Variants in SH3KBP1 observed in about 807,000 individuals in gnomAD.
SH3KBP1 encodes SH3 domain containing kinase binding protein 1.
A neutral mutation model predicts 50.1 loss-of-function variants in SH3KBP1; 8 were observed. The observed-to-expected ratio is 0.16, with a 90% CI of 0.09 to 0.29. SH3KBP1 has a LOEUF of 0.29. SH3KBP1 is among the 10% of genes least tolerant of loss of function. The pLI, the probability that SH3KBP1 is intolerant of heterozygous loss-of-function variation, is 1.00. For synonymous variants in SH3KBP1, 227 were observed against 218.6 expected, an observed-to-expected ratio of 1.04 and a Z score of -0.34; for missense variants, 377 against 535.2, an observed-to-expected ratio of 0.70 and a Z score of 2.92.
chrX:19,831,183 G>A (rs766318526), intron 2 of SH3KBP1, among the ~76,000 whole-genome samples: 17 of 112,073 alleles, frequency 1.5e-4, no homozygotes, highest in Non-Finnish European at 2.6e-4. Flanking sequence ...CTGGGAGGCC[G>A]AGGCGGGAGG....
At position 19,540,551 on chromosome X, in the gene SH3KBP1, A is replaced by G. The variant is rs755532177; in HGVS notation, c.1892+1374T>C. On this transcript the variant is annotated intron_variant, in intron 16 of 17. Transcript: ENST00000397821. ...CGAGTTATCCCCCAAAAGTGACCAC[A>G]AAACACATTAGGGCCCTCAAGCCAC... Among the ~76,000 whole-genome samples, 14 of 111,728 alleles carry G rather than the reference A, an allele frequency of 1.3e-4. 1 individual carries two copies. The highest frequency in any genetic ancestry group is 1.2e-3 in the Admixed American group (13 of 10,564).
intron 2 of SH3KBP1, among the ~76,000 whole-genome samples, chrX:19,782,005 T>C (rs1175232413): frequency 5.4e-5 from 6 of 111,666 alleles, no homozygotes; most frequent in African/African-American, 2.0e-4. Context: ...CTGTGGTAAA[T>C]TGAATGGCAA....
At position 19,710,072 on chromosome X, in the gene SH3KBP1, C is replaced by G. The variant is rs1336294422; in HGVS notation, c.287-3088G>C. On this transcript the variant is annotated intron_variant, in intron 3 of 17. Transcript: ENST00000397821. ...TGGGAGTGGAATTTTTACAGTAGTCCCCCCTTATCAACAGTTCCACTTTCT... is the reference window on the plus strand; with the variant it reads ...TGGGAGTGGAATTTTTACAGTAGTCGCCCCTTATCAACAGTTCCACTTTCT... Among the ~76,000 whole-genome samples, 3 of 111,622 alleles carry G rather than the reference C, an allele frequency of 2.7e-5. No individual in the cohort carries two copies. The South Asian group carries it at 1.1e-3, about 41-fold the overall frequency.
chrX:19,574,360 T>C (rs1411065841), intron 12 of SH3KBP1, among the ~76,000 whole-genome samples: 1 of 112,884 alleles, frequency 8.9e-6, no homozygotes, highest in African/African-American at 3.2e-5. Flanking sequence ...AGTGTTTAAC[T>C]AAATGAATAA....
At chrX:19,751,864 A>G (rs970530641) in intron 2 of SH3KBP1, among the ~76,000 whole-genome samples, 1 of 112,189 alleles carries the variant, frequency 8.9e-6, no homozygotes, top group African/African-American at 3.2e-5. Flanking sequence ...CCGGGCAAAC[A>G]GATGATGTGC....
intron 13 of SH3KBP1, among the ~76,000 whole-genome samples, chrX:19,550,639 C>T (rs7065459): frequency 0.25 from 27,043 of 110,245 alleles, 3,560 homozygotes; most frequent in African/African-American, 0.51. Context: ...AAACACATAT[C>T]TCTCTCTGTC....
intron 12 of SH3KBP1, among the ~76,000 whole-genome samples, chrX:19,583,539 T>C (rs773899942): frequency 9.0e-6 from 1 of 110,893 alleles, no homozygotes; most frequent in East Asian, 2.8e-4. Context: ...ACTTACTTTC[T>C]AGAAGTGGGG....
intron 13 of SH3KBP1, among the ~76,000 whole-genome samples, chrX:19,554,377 A>ATATATAT (rs766423397): frequency 0.03 from 2,702 of 89,722 alleles, 174 homozygotes; most frequent in African/African-American, 0.12. Context: ...TTAAAATATA[A>ATATATAT]TATATATCAT....
intron 8 of SH3KBP1, among the ~76,000 whole-genome samples, chrX:19,623,883 A>T (rs546052204): frequency 8.9e-6 from 1 of 112,472 alleles, no homozygotes; most frequent in African/African-American, 3.2e-5. Context: ...ACTGACCTTA[A>T]TTTCAGGACA....
At chrX:19,686,328 G>A (rs1236826384) in intron 5 of SH3KBP1, among the ~76,000 whole-genome samples, 3 of 111,275 alleles carry the variant, frequency 2.7e-5, no homozygotes, top group Non-Finnish European at 3.8e-5. Context: ...TTAGTGACTC[G>A]TGCCCATCAT....
At chrX:19,826,421 C>T (rs1010628317) in intron 2 of SH3KBP1, among the ~76,000 whole-genome samples, 2 of 110,857 alleles carry the variant, frequency 1.8e-5, no homozygotes, top group Non-Finnish European at 3.8e-5. Context: ...TGGCTCCTGC[C>T]TATAACCCTG....
intron 12 of SH3KBP1, among the ~76,000 whole-genome samples, chrX:19,574,892 T>C (rs1002283567): frequency 8.9e-6 from 1 of 112,288 alleles, no homozygotes; most frequent in African/African-American, 3.2e-5. Flanking sequence ...TATTTAGAGA[T>C]GGGCCTTTTA....
chrX:19,862,891 A>C (rs755353647), intron 1 of SH3KBP1, among the ~76,000 whole-genome samples: 1 of 112,180 alleles, frequency 8.9e-6, no homozygotes, highest in Non-Finnish European at 1.9e-5. Context: ...GTTAATTAGC[A>C]TGATGAAAAC....
chrX:19,803,180 G>A (rs151274610), intron 2 of SH3KBP1, among the ~76,000 whole-genome samples: 13,466 of 111,550 alleles, frequency 0.12, 652 homozygotes, highest in African/African-American at 0.14. Context: ...ATCTCTCACC[G>A]TAGAAGCTTC....
At chrX:19,751,369 T>G (rs2065061242) in intron 2 of SH3KBP1, among the ~76,000 whole-genome samples, 1 of 111,235 alleles carries the variant, frequency 9.0e-6, no homozygotes, top group Non-Finnish European at 1.9e-5. Flanking sequence ...CAGGCCCGTG[T>G]TTTTTTGCCA....
At position 19,866,692 on chromosome X, in the gene SH3KBP1, T is replaced by TAAAA. The variant is rs11393561; in HGVS notation, c.4+20611_4+20614dup. Among the ~76,000 whole-genome samples the TAAAA allele has an allele frequency of 6.2e-3, 593 of 95,330 alleles. 8 individuals carry two copies. Among genetic ancestry groups the TAAAA allele is most frequent in the African/African-American group, 0.022 (562 of 25,120 alleles). The allele number at this position is 95,330 out of a possible 115,157, so 82.8% of individuals were successfully genotyped here. On this transcript the variant is annotated intron_variant, in intron 1 of 17. Transcript: ENST00000397821. ...GCAACAGAGCGAGACCCTGTCTCTT[T>TAAAA]AAAAAAAAAAAAAGAAAAGAAAAAA...
chrX:19,689,663 C>T (rs997505682), intron 5 of SH3KBP1, among the ~76,000 whole-genome samples: 3 of 111,985 alleles, frequency 2.7e-5, no homozygotes, highest in Non-Finnish European at 5.6e-5. Flanking sequence ...ATATGAGTGA[C>T]GTTGATCTTA....
chrX:19,658,126 C>T lies in SH3KBP1; in HGVS notation c.727-12651G>A, dbSNP rs115130733. On this transcript the variant is annotated intron_variant, in intron 6 of 17. Coordinates refer to ENST00000397821, the MANE Select transcript of SH3KBP1 (RefSeq NM_031892.3). ...TAAGCCTCTCTCTGGCCAGGAATGT[C>T]GATTAGAATGGGTGGAAAAAAAAGT... 6.8e-3 allele frequency among the ~76,000 whole-genome samples: 756 copies of T among 111,272 alleles called. 8 individuals are homozygous for T. The highest frequency in any genetic ancestry group is 0.022 in the African/African-American group (682 of 30,597).
intron 2 of SH3KBP1, among the ~76,000 whole-genome samples, chrX:19,764,981 CA>C (rs1165885565): frequency 1.2e-5 from 1 of 86,606 alleles, no homozygotes; most frequent in Non-Finnish European, 2.2e-5. Context: ...CTAATTTTTG[CA>C]GTTCTTTTTT....
Sources: allele counts gnomAD v4.1 joint callset (sites outside exome capture counted in the v4.1 genomes callset), GRCh38; gene constraint gnomAD v4.1.1; transcripts MANE v1.5; gene names NCBI Gene and HGNC (gene_info 2026-07-23, HGNC 2026-07-21).